GRIN2A: variants seen among roughly 807,000 people sequenced by gnomAD.
The protein encoded by GRIN2A is glutamate ionotropic receptor NMDA type subunit 2A.
A neutral mutation model predicts 113.4 loss-of-function variants in GRIN2A; 22 were observed. That is an observed-to-expected ratio of 0.19 (90% CI 0.14 to 0.28). The LOEUF (loss-of-function observed/expected upper bound fraction) is 0.28. Among genes scored for constraint, GRIN2A ranks in the 10% least tolerant of loss-of-function variants. The pLI is 1.00. For synonymous variants in GRIN2A, 827 were observed against 738.4 expected (o/e 1.12, Z -1.94); for missense variants, 1,502 against 1,887.0 (o/e 0.80, Z 3.78).
At chr16:10,010,418 A>C (rs2046484218) in intron 2 of GRIN2A, among the ~76,000 whole-genome samples, 1 of 152,218 alleles carries the variant, frequency 6.6e-6, no homozygotes, top group Non-Finnish European at 1.5e-5. Context: ...AACCCTTGGG[A>C]TATCAGTTTA....
intron 9 of GRIN2A, 114 bp from the exon 10 acceptor site, chr16:9,822,538 A>G: frequency 1.3e-6 from 1 of 758,874 alleles, no homozygotes; most frequent in Non-Finnish European, 2.4e-6. Context: ...TTAGGAGGTA[A>G]ATGCATGCAT....
rs748018331 is a variant in GRIN2A at position 9,829,438 on chromosome 16, G to T, written c.1992C>A (p.Gly664=). The change falls in exon 9 of 13, where the codon GGC becomes GGA. Residue 664 remains glycine (G), a synonymous_variant. Coordinates refer to ENST00000330684, the MANE Select transcript of GRIN2A (RefSeq NM_001134407.3). ...GTGACCTTACCTTTTTGTCACTGAGGCCGGTCACTTGGTCCACAAATTCCT... is the reference window on the plus strand; with the variant it reads ...GTGACCTTACCTTTTTGTCACTGAGTCCGGTCACTTGGTCCACAAATTCCT... ...IQEEFVDQVT[G]LSDKKFQRPH... 6.2e-6 allele frequency: 10 copies of T among 1,612,100 alleles called. No homozygotes were observed. The highest frequency in any genetic ancestry group is 8.5e-7 in the Non-Finnish European group (1 of 1,178,352).
At chr16:10,134,776 CA>C in intron 2 of GRIN2A, among the ~76,000 whole-genome samples, 1 of 152,082 alleles carries the variant, frequency 6.6e-6, no homozygotes, top group East Asian at 1.9e-4. Context: ...TTCACTCCAT[CA>C]GACAAAAAAT....
chr16:10,087,967 G>A (rs148050891), intron 2 of GRIN2A, among the ~76,000 whole-genome samples: 277 of 150,432 alleles, frequency 1.8e-3, no homozygotes, highest in African/African-American at 6.5e-3. Context: ...TAGGATTACA[G>A]GTGTGAGCCA....
chr16:9,778,885 G>A (rs1043028576), intron 11 of GRIN2A, among the ~76,000 whole-genome samples: 1 of 152,178 alleles, frequency 6.6e-6, no homozygotes, highest in East Asian at 1.9e-4. Context: ...CCCAGTCTGC[G>A]GTAGTTCCTA....
At position 9,762,348 on chromosome 16, in the gene GRIN2A, C is replaced by T. The variant is rs946917634; in HGVS notation, c.*801G>A. The T allele has an allele frequency of 2.2e-5, 5 of 226,598 alleles. No homozygotes were observed. Among genetic ancestry groups the T allele is most frequent in the African/African-American group, 4.5e-5 (2 of 44,916 alleles). 14.0% of individuals were successfully genotyped at this position (226,598 alleles called of 1,614,324 possible). On this transcript the variant is annotated 3_prime_UTR_variant, in exon 13 of 13. Coordinates refer to ENST00000330684, the MANE Select transcript of GRIN2A (RefSeq NM_001134407.3). ...AGACAGAAGATCCACACTTAGATCT[C>T]GGAGACATAAATGTGTTAGTTTATG...
chr16:9,773,806 C>A (rs1480248609), intron 11 of GRIN2A, among the ~76,000 whole-genome samples: 1 of 152,198 alleles, frequency 6.6e-6, no homozygotes, highest in African/African-American at 2.4e-5. Flanking sequence ...CCACTTAGTT[C>A]TGCACCATCG....
chr16:9,895,078 A>C (rs1251332780), intron 3 of GRIN2A, among the ~76,000 whole-genome samples: 1 of 152,210 alleles, frequency 6.6e-6, no homozygotes. Flanking sequence ...AAAATGATAC[A>C]AAAATGACCA....
chr16:9,983,442 C>CTT (rs149545344), intron 2 of GRIN2A, among the ~76,000 whole-genome samples: 79 of 141,642 alleles, frequency 5.6e-4, no homozygotes, highest in African/African-American at 1.2e-3. Context: ...GTTATTTATT[C>CTT]TTTTTTTTTT....
intron 2 of GRIN2A, among the ~76,000 whole-genome samples, chr16:9,972,015 G>A (rs2045681696): frequency 6.6e-6 from 1 of 151,386 alleles, no homozygotes; most frequent in African/African-American, 2.4e-5. Flanking sequence ...CTGAGGAGGT[G>A]GAAGTTAGAG....
chr16:9,828,011 G>T (rs536100962), intron 9 of GRIN2A, among the ~76,000 whole-genome samples: 11 of 152,156 alleles, frequency 7.2e-5, no homozygotes, highest in African/African-American at 2.4e-4. Flanking sequence ...AAGTTTCTTG[G>T]GAGCCTGAGC....
intron 12 of GRIN2A, among the ~76,000 whole-genome samples, 163 bp from the exon 13 acceptor site, chr16:9,765,111 T>A (rs1900834159): frequency 6.6e-6 from 1 of 152,206 alleles, no homozygotes; most frequent in Admixed American, 6.5e-5. Context: ...CTTAAAGGTA[T>A]GAGACAAGTT....
chr16:10,176,979 C>T (rs185261649), intron 2 of GRIN2A, among the ~76,000 whole-genome samples: 32 of 152,254 alleles, frequency 2.1e-4, no homozygotes, highest in Non-Finnish European at 3.8e-4. Context: ...ATATAACACA[C>T]GTGTGTTCTG....
chr16:10,069,896 T>C (rs1367970404), intron 2 of GRIN2A, among the ~76,000 whole-genome samples: 2 of 152,106 alleles, frequency 1.3e-5, no homozygotes, highest in Non-Finnish European at 2.9e-5. Flanking sequence ...GTGCAATTAC[T>C]AAAGAGAGAA....
At chr16:9,980,239 C>T (rs1049630041) in intron 2 of GRIN2A, among the ~76,000 whole-genome samples, 5 of 151,616 alleles carry the variant, frequency 3.3e-5, no homozygotes, top group Non-Finnish European at 5.9e-5. Context: ...CACGACTGCA[C>T]TCCAGCCTGG....
At chr16:10,071,956 A>C (rs1279517824) in intron 2 of GRIN2A, among the ~76,000 whole-genome samples, 2 of 152,254 alleles carry the variant, frequency 1.3e-5, no homozygotes, top group African/African-American at 2.4e-5. Context: ...TGCCCACCTA[A>C]GTGATAGAGC....
chr16:10,101,839 T>C (rs1046300188), intron 2 of GRIN2A, among the ~76,000 whole-genome samples: 1 of 152,230 alleles, frequency 6.6e-6, no homozygotes, highest in Non-Finnish European at 1.5e-5. Context: ...GGAATGGTTA[T>C]TGCTATAATT....
intron 2 of GRIN2A, among the ~76,000 whole-genome samples, chr16:10,128,728 C>T (rs11859727): frequency 5.3e-5 from 8 of 152,118 alleles, no homozygotes; most frequent in Admixed American, 4.6e-4. Flanking sequence ...AAGCACCATG[C>T]GCCAAGCTAG....
chr16:9,920,666 A>G (rs750019561), intron 3 of GRIN2A, among the ~76,000 whole-genome samples: 7 of 151,894 alleles, frequency 4.6e-5, no homozygotes, highest in Non-Finnish European at 7.4e-5. Flanking sequence ...CCCAGGTTCA[A>G]ACGATTCCCC....
Sources: allele counts gnomAD v4.1 joint callset (sites outside exome capture counted in the v4.1 genomes callset), GRCh38; gene constraint gnomAD v4.1.1; transcripts MANE v1.5; gene names NCBI Gene and HGNC (gene_info 2026-07-23, HGNC 2026-07-21).